The following LINGO2 variants were observed in gnomAD, a reference collection of about 807,000 sequenced individuals.
LINGO2 encodes leucine-rich repeat and immunoglobulin-like domain-containing nogo receptor-interacting protein 2.
A neutral mutation model predicts 30.6 loss-of-function variants in LINGO2; 14 were observed. The ratio of observed to expected loss-of-function variants is 0.46; its 90% CI spans 0.30 to 0.72. The LOEUF (loss-of-function observed/expected upper bound fraction) is 0.72, where lower values mean the gene tolerates loss of function less well. Ranked by LOEUF, LINGO2 falls within the 30% of genes least tolerant of loss-of-function variation. The pLI is 0.07. For missense variants in LINGO2, 729 were observed against 751.7 expected, an observed-to-expected ratio of 0.97 and a Z score of 0.35; for synonymous variants, 317 against 288.5, an observed-to-expected ratio of 1.10 and a Z score of -1.00.
At chr9:28,815,642 A>G in the LINGO2 span, among the ~76,000 whole-genome samples, 1 of 152,004 alleles carries the variant, frequency 6.6e-6, no homozygotes, top group African/African-American at 2.4e-5. Flanking sequence ...AACAATTACC[A>G]CCAGCACTAG....
At chr9:28,963,880 G>T in the LINGO2 span, among the ~76,000 whole-genome samples, 2 of 151,844 alleles carry the variant, frequency 1.3e-5, no homozygotes, top group Non-Finnish European at 2.9e-5. Context: ...GGTGATTACA[G>T]TAACAATAAT....
the LINGO2 span, among the ~76,000 whole-genome samples, chr9:29,148,205 C>A: frequency 6.6e-6 from 1 of 151,996 alleles, no homozygotes; most frequent in African/African-American, 2.4e-5. Flanking sequence ...CTAAATGTGT[C>A]TTTTTAAAAA....
chr9:29,208,824 T>C, the LINGO2 span, among the ~76,000 whole-genome samples: 12 of 152,128 alleles, frequency 7.9e-5, no homozygotes, highest in African/African-American at 2.9e-4. Context: ...AATTCAAGTC[T>C]TCTGGTGTCA....
intron 4 of LINGO2, among the ~76,000 whole-genome samples, chr9:28,083,368 C>A (rs1825825867): frequency 6.6e-6 from 1 of 152,094 alleles, no homozygotes; most frequent in South Asian, 2.1e-4. Flanking sequence ...ATGGTGAGAA[C>A]CTTCTTCAAT....
chr9:28,792,764 A>T, the LINGO2 span, among the ~76,000 whole-genome samples: 1 of 152,154 alleles, frequency 6.6e-6, no homozygotes, highest in Admixed American at 6.5e-5. Context: ...GCATACCTAG[A>T]GTGCTTATGA....
chr9:28,292,024 T>TA (rs60610379), intron 4 of LINGO2, among the ~76,000 whole-genome samples: 11,094 of 152,178 alleles, frequency 0.073, 727 homozygotes, highest in East Asian at 0.38. Context: ...AAAGTGCTTA[T>TA]GGGGGAAGAA....
intron 5 of LINGO2, among the ~76,000 whole-genome samples, chr9:27,955,049 A>G (rs924991296): frequency 6.6e-6 from 1 of 152,096 alleles, no homozygotes; most frequent in Non-Finnish European, 1.5e-5. Context: ...GACTACTTGT[A>G]TGTCTTTTGA....
chr9:28,774,956 A>G, the LINGO2 span, among the ~76,000 whole-genome samples: 1 of 150,936 alleles, frequency 6.6e-6, no homozygotes, highest in Non-Finnish European at 1.5e-5. Flanking sequence ...ACAGGAACAA[A>G]TCGTCGAATA....
chr9:28,729,566 G>A, the LINGO2 span, among the ~76,000 whole-genome samples: 2,014 of 151,738 alleles, frequency 0.013, 19 homozygotes, highest in Middle Eastern at 0.028. Flanking sequence ...CCAAGAACAA[G>A]TAACAAAAAG....
intron 4 of LINGO2, among the ~76,000 whole-genome samples, chr9:28,230,036 G>A (rs1821303118): frequency 1.3e-5 from 2 of 151,546 alleles, no homozygotes; most frequent in South Asian, 4.2e-4. Context: ...ATTTTAAAAA[G>A]AAAACCAAAA....
intron 1 of LINGO2, among the ~76,000 whole-genome samples, chr9:28,641,049 G>C (rs1442303686): frequency 6.6e-6 from 1 of 151,858 alleles, no homozygotes; most frequent in African/African-American, 2.4e-5. Flanking sequence ...CCAAATTTTT[G>C]TTGAGACGGA....
the LINGO2 span, among the ~76,000 whole-genome samples, chr9:29,169,636 G>C: frequency 1.6e-4 from 24 of 152,316 alleles, no homozygotes; most frequent in South Asian, 6.2e-4. Context: ...ATCAACAGAT[G>C]TTGGCAAGGA....
At chr9:28,017,119 G>A (rs1271417245) in intron 4 of LINGO2, among the ~76,000 whole-genome samples, 2 of 151,978 alleles carry the variant, frequency 1.3e-5, no homozygotes, top group South Asian at 2.1e-4. Flanking sequence ...ATGCAGAAAA[G>A]GCTTTTGATA....
At chr9:29,034,769 G>T in the LINGO2 span, among the ~76,000 whole-genome samples, 5 of 152,094 alleles carry the variant, frequency 3.3e-5, no homozygotes, top group African/African-American at 9.7e-5. Context: ...CTAATATCCA[G>T]TCTCTGTGTA....
chr9:28,550,639 G>C (rs543846865), intron 1 of LINGO2, among the ~76,000 whole-genome samples: 1 of 151,642 alleles, frequency 6.6e-6, no homozygotes, highest in Non-Finnish European at 1.5e-5. Context: ...TTGAATTGCT[G>C]CTGCAATTGA....
intron 2 of LINGO2, among the ~76,000 whole-genome samples, chr9:28,466,864 T>A (rs1228358833): frequency 6.6e-6 from 1 of 152,182 alleles, no homozygotes; most frequent in Admixed American, 6.5e-5. Context: ...TATCTCTGTA[T>A]CACATGCATA....
chr9:28,607,474 A>G (rs953882199), intron 1 of LINGO2, among the ~76,000 whole-genome samples: 1 of 152,088 alleles, frequency 6.6e-6, no homozygotes, highest in African/African-American at 2.4e-5. Flanking sequence ...GCAAAATAGT[A>G]GACATCATTT....
intron 1 of LINGO2, among the ~76,000 whole-genome samples, chr9:28,585,361 C>T (rs984053140): frequency 3.3e-5 from 5 of 151,734 alleles, no homozygotes; most frequent in Non-Finnish European, 7.4e-5. Flanking sequence ...AATTCAAGTC[C>T]CAGGACTGCT....
intron 5 of LINGO2, among the ~76,000 whole-genome samples, chr9:28,006,624 C>G (rs1437067628): frequency 6.6e-6 from 1 of 152,008 alleles, no homozygotes; most frequent in Non-Finnish European, 1.5e-5. Context: ...ATATTAATTC[C>G]AAACCAACCC....
Sources: gnomAD v4.1 joint callset for allele counts (sites outside exome capture counted in the v4.1 genomes callset) on GRCh38, gnomAD v4.1.1 for gene constraint, MANE v1.5 for transcripts, NCBI Gene and HGNC (gene_info 2026-07-23, HGNC 2026-07-21) for gene names.